The following MTAP variants were observed in gnomAD, a reference collection of about 807,000 sequenced individuals.
The protein encoded by MTAP is methylthioadenosine phosphorylase, also known as S-methyl-5'-thioadenosine phosphorylase.
In MTAP, 33 loss-of-function variants were observed where a neutral mutation model predicts 33.6. The ratio of observed to expected loss-of-function variants is 0.98; its 90% CI spans 0.74 to 1.31. MTAP has a LOEUF of 1.31. Among genes scored for constraint, MTAP ranks in the 40% most tolerant of loss-of-function variants. The pLI is 0.00. For missense variants in MTAP, 367 were observed against 360.0 expected, an observed-to-expected ratio of 1.02 and a Z score of -0.16; for synonymous variants, 148 against 125.7, an observed-to-expected ratio of 1.18 and a Z score of -1.19.
At chr9:21,832,372 C>G (rs969599450) in intron 4 of MTAP, among the ~76,000 whole-genome samples, 1 of 152,136 alleles carries the variant, frequency 6.6e-6, no homozygotes, top group Admixed American at 6.5e-5. Context: ...GACTAGAAAG[C>G]GTTTTATGGT....
rs1378552402 is a variant in MTAP at position 21,862,843 on chromosome 9, A to T, written c.*829A>T. On this transcript the variant is annotated 3_prime_UTR_variant, in exon 8 of 8. Coordinates refer to ENST00000644715, the MANE Select transcript of MTAP (RefSeq NM_002451.4). ...TTGTATTTGGGGGAGGGATACTGGG[A>T]TAATTTTTATTTTCTTTGAATCTTT... 8.0e-6 allele frequency: 5 copies of T among 625,814 alleles called. No homozygotes were observed. 38.8% of individuals were successfully genotyped at this position (625,814 alleles called of 1,614,324 possible). A position where few individuals can be genotyped will look rare whatever the true frequency, so the allele number is the denominator to read the frequency against.
intron 4 of MTAP, among the ~76,000 whole-genome samples, chr9:21,823,624 C>T (rs1027531330): frequency 3.3e-5 from 5 of 152,052 alleles, no homozygotes; most frequent in African/African-American, 4.8e-5. Flanking sequence ...ATCTTTGTGG[C>T]GTTCTCTGTA....
chr9:21,879,507 C>T (rs1052185541), intron 1 of MTAP, among the ~76,000 whole-genome samples: 1 of 152,018 alleles, frequency 6.6e-6, no homozygotes, highest in Non-Finnish European at 1.5e-5. Context: ...TTTTATCCAG[C>T]TTGCCACTCT....
At chr9:21,853,326 C>T (rs909913577) in intron 5 of MTAP, among the ~76,000 whole-genome samples, 12 of 151,998 alleles carry the variant, frequency 7.9e-5, no homozygotes, top group African/African-American at 2.9e-4. Flanking sequence ...GAGATTTAGG[C>T]TTTTGCATTT....
downstream of MTAP, chr9:21,935,632 C>G (rs1040080634): frequency 6.6e-6 from 1 of 152,148 alleles, no homozygotes; most frequent in Non-Finnish European, 1.5e-5. Context: ...ATAGTTCAGA[C>G]TCTTCTGAGC....
chr9:21,815,960 A>G (rs1476467392), intron 2 of MTAP, among the ~76,000 whole-genome samples: 1 of 152,168 alleles, frequency 6.6e-6, no homozygotes, highest in Non-Finnish European at 1.5e-5. Flanking sequence ...GGGAATTAGA[A>G]CATACCTGAT....
intron 4 of MTAP, among the ~76,000 whole-genome samples, chr9:21,826,025 G>T (rs183311841): frequency 6.6e-6 from 1 of 151,728 alleles, no homozygotes; most frequent in African/African-American, 2.4e-5. Flanking sequence ...GTTTCCTTAC[G>T]TATTTTGGGT....
chr9:21,912,393 G>A (rs1818593885), intron 1 of MTAP, among the ~76,000 whole-genome samples: 1 of 152,142 alleles, frequency 6.6e-6, no homozygotes, highest in African/African-American at 2.4e-5. Context: ...ATAAAATACT[G>A]GCAAACCGAA....
intron 4 of MTAP, among the ~76,000 whole-genome samples, chr9:21,827,808 T>C (rs1824860892): frequency 6.6e-6 from 1 of 152,236 alleles, no homozygotes; most frequent in Non-Finnish European, 1.5e-5. Flanking sequence ...AAAATCTCAA[T>C]GGCTGTCAAC....
intron 1 of MTAP, among the ~76,000 whole-genome samples, chr9:21,804,647 G>C (rs1347550410): frequency 6.6e-6 from 1 of 152,196 alleles, no homozygotes; most frequent in Admixed American, 6.5e-5. Flanking sequence ...CTGTATAGAA[G>C]ATGTGAGGTG....
chr9:21,812,211 T>C (rs1026662651), intron 1 of MTAP: 8 of 216,168 alleles, frequency 3.7e-5, no homozygotes, highest in South Asian at 1.6e-4. Context: ...CAAGTCAGCA[T>C]TGAGTTGGCC....
chr9:21,917,604 T>C (rs1297447115), intron 1 of MTAP, among the ~76,000 whole-genome samples: 1 of 152,174 alleles, frequency 6.6e-6, no homozygotes, highest in Non-Finnish European at 1.5e-5. Context: ...GATGTTGGCA[T>C]GGATGTGGTG....
Position 21,863,357 on chromosome 9 carries a change from C to G in MTAP, c.*1343C>G. The G allele has an allele frequency of 1.0e-6, 1 of 958,096 alleles. No individual in the cohort carries two copies. The highest frequency in any genetic ancestry group is 1.2e-6 in the Non-Finnish European group (1 of 805,176). The allele number at this position is 958,096 out of a possible 1,614,324, so 59.3% of individuals were successfully genotyped here. A position where few individuals can be genotyped will look rare whatever the true frequency, so the allele number is the denominator to read the frequency against. On this transcript the variant is annotated 3_prime_UTR_variant, in exon 8 of 8. Coordinates refer to ENST00000644715, the MANE Select transcript of MTAP (RefSeq NM_002451.4). Reference sequence around the variant, plus strand: ...GCACAGTTGCTCATCCATGTAATCCCAGCACTGTGGGAGGCCGAGACGGGT... The same window carrying G: ...GCACAGTTGCTCATCCATGTAATCCGAGCACTGTGGGAGGCCGAGACGGGT...
chr9:21,827,857 A>G (rs1431850685), intron 4 of MTAP, among the ~76,000 whole-genome samples: 1 of 152,220 alleles, frequency 6.6e-6, no homozygotes, highest in Non-Finnish European at 1.5e-5. Flanking sequence ...GAAAATGATT[A>G]TAATATGATT....
At chr9:21,853,556 C>T (rs1159198226) in intron 5 of MTAP, among the ~76,000 whole-genome samples, 1 of 152,152 alleles carries the variant, frequency 6.6e-6, no homozygotes, top group Non-Finnish European at 1.5e-5. Context: ...AACACATGTG[C>T]AGGTGAGACT....
chr9:21,887,253 C>T (rs1025315597), intron 1 of MTAP, among the ~76,000 whole-genome samples: 2 of 152,008 alleles, frequency 1.3e-5, no homozygotes, highest in Non-Finnish European at 2.9e-5. Flanking sequence ...TAATGCTATC[C>T]TTCCCCTCTC....
intron 1 of MTAP, among the ~76,000 whole-genome samples, chr9:21,926,734 C>T (rs1465768687): frequency 1.3e-5 from 2 of 152,108 alleles, no homozygotes; most frequent in African/African-American, 4.8e-5. Context: ...ATCTGCTCCC[C>T]TACAAGAGAG....
At chr9:21,918,072 C>T (rs1818720003) in intron 1 of MTAP, among the ~76,000 whole-genome samples, 1 of 127,954 alleles carries the variant, frequency 7.8e-6, no homozygotes, top group African/African-American at 3.7e-5. Flanking sequence ...GATTAATGGG[C>T]CGGGCGCGGT....
At chr9:21,825,243 C>T (rs189832413) in intron 4 of MTAP, among the ~76,000 whole-genome samples, 504 of 152,222 alleles carry the variant, frequency 3.3e-3, no homozygotes, top group Non-Finnish European at 5.2e-3. Flanking sequence ...ATCTTGGAAC[C>T]GCCTCTCCCA....
Sources: gnomAD v4.1 joint callset for allele counts (sites outside exome capture counted in the v4.1 genomes callset) on GRCh38, gnomAD v4.1.1 for gene constraint, MANE v1.5 for transcripts, NCBI Gene and HGNC (gene_info 2026-07-23, HGNC 2026-07-21) for gene names.